UBE2O: variants seen among roughly 807,000 people sequenced by gnomAD.
The protein encoded by UBE2O is ubiquitin conjugating enzyme E2 O.
A neutral mutation model predicts 125.8 loss-of-function variants in UBE2O; 15 were observed. The observed-to-expected ratio is 0.12, with a 90% CI of 0.08 to 0.18. UBE2O has a LOEUF of 0.18. UBE2O is among the 10% of genes least tolerant of loss of function. The probability of loss-of-function intolerance (pLI) is 1.00; values close to 1 mark genes in which losing one functional copy is unlikely to be tolerated. For missense variants in UBE2O, 1,280 were observed against 1,723.6 expected (o/e 0.74, Z 4.56); for synonymous variants, 708 against 703.2 (o/e 1.01, Z -0.11).
intron 15 of UBE2O, 146 bp from the exon 16 acceptor site, chr17:76,392,259 C>G: frequency 1.9e-6 from 1 of 530,362 alleles, no homozygotes; most frequent in Non-Finnish European, 3.2e-6. Flanking sequence ...CCAGATGCCA[C>G]CAGCAGTGGA....
rs777216417 is a variant in UBE2O, at chr17:76,402,585, TGGTGGTGA to T, written c.686+9_686+16del. Reference sequence around the variant, plus strand: ...TATCCTTCCCAAGCCGATGGCTCTCTGGTGGTGAGACTCTACCTGGCGCCGTTGGATAG... The same window carrying T: ...TATCCTTCCCAAGCCGATGGCTCTCTGACTCTACCTGGCGCCGTTGGATAG... On this transcript the variant is annotated intron_variant, in intron 4 of 17. Transcript: ENST00000319380. The surrounding 1 kb of genome is among the most constrained non-coding windows in gnomAD (Gnocchi z 5.4). 14 of 1,609,656 alleles carry T rather than the reference TGGTGGTGA, an allele frequency of 8.7e-6. 1 individual carries two copies. The South Asian group carries it at 1.5e-4, about 18-fold the overall frequency.
chr17:76,392,279 G>A (rs1285960076), intron 15 of UBE2O, among the ~76,000 whole-genome samples, 166 bp from the exon 16 acceptor site: 1 of 152,050 alleles, frequency 6.6e-6, no homozygotes, highest in Non-Finnish European at 1.5e-5. Context: ...AGAAGCTAAG[G>A]ACAAATCTCT....
rs1407931321 is a variant in UBE2O at position 76,405,451 on chromosome 17, G to C, written c.477+62C>G. The C allele has an allele frequency of 5.8e-6, 9 of 1,551,480 alleles. No individual in the cohort carries two copies. ...CCACATGCAGAGTGCGAGGTGGGCA[G>C]GCTCAAGTCCCTAAGGTGGCTGCCC... is the stretch of plus-strand genomic sequence containing the variant. On this transcript the variant is annotated intron_variant, in intron 2 of 17. Transcript: ENST00000319380. The surrounding 1 kb of genome is among the most constrained non-coding windows in gnomAD (Gnocchi z 6.1).
intron 1 of UBE2O, chr17:76,431,097 G>T (rs1335014920): frequency 5.5e-6 from 1 of 180,684 alleles, no homozygotes; most frequent in Non-Finnish European, 1.2e-5. Flanking sequence ...ACAACAGGAA[G>T]CTGCTGCTTC....
chr17:76,402,834 T>A lies in UBE2O; in HGVS notation c.589-135A>T. 1.4e-6 allele frequency: 1 copy of A among 727,204 alleles called. No individual in the cohort carries two copies. Among genetic ancestry groups the A allele is most frequent in the Non-Finnish European group, 2.4e-6 (1 of 418,226 alleles). The allele number at this position is 727,204 out of a possible 1,614,324, so 45.0% of individuals were successfully genotyped here. On this transcript the variant is annotated intron_variant, in intron 3 of 17. Transcript: ENST00000319380. This position sits in a 1 kb window ranked among gnomAD's most constrained non-coding sequence, Gnocchi z 5.4. ...CTCACTGACTGGACCGGTTGGCTAC[T>A]AGCCCTAAACAGCTGCTGCAGCAGG...
At chr17:76,429,413 A>G (rs888066247) in intron 1 of UBE2O, among the ~76,000 whole-genome samples, 16 of 151,600 alleles carry the variant, frequency 1.1e-4, no homozygotes, top group African/African-American at 3.1e-4. Context: ...GTGGTGGCGC[A>G]TGGCTGTAAT....
rs2072903307 is a variant in UBE2O at position 76,431,326 on chromosome 17, A to G, written c.417+21399T>C. Among the ~76,000 whole-genome samples the G allele has an allele frequency of 2.0e-5, 3 of 151,500 alleles. No individual in the cohort carries two copies. The South Asian group carries it at 6.2e-4, about 31-fold the overall frequency. On this transcript the variant is annotated intron_variant, in intron 1 of 17. Coordinates refer to ENST00000319380, the MANE Select transcript of UBE2O (RefSeq NM_022066.4). ...CAGGAGCTCAAGAGCAGCCTGGCCA[A>G]CATGGTGAAATCCCGCCTCTACTAA...
In UBE2O at chr17:76,398,456, T is replaced by C. The variant is rs2072255725; in HGVS notation, c.1896+16A>G. On this transcript the variant is annotated intron_variant, in intron 11 of 17. Coordinates refer to ENST00000319380, the MANE Select transcript of UBE2O (RefSeq NM_022066.4). The surrounding 1 kb of genome is among the most constrained non-coding windows in gnomAD (Gnocchi z 5.4). ...CCCAGAGCCCACCTGAAGCAAGCAG[T>C]AGGGGCTGCACACACCTCCACGTCG... The C allele has an allele frequency of 1.9e-6, 3 of 1,613,802 alleles. No individual in the cohort carries two copies. Among genetic ancestry groups the C allele is most frequent in the African/African-American group, 1.3e-5 (1 of 74,872 alleles).
intron 13 of UBE2O, among the ~76,000 whole-genome samples, chr17:76,397,046 C>A (rs2072223453): frequency 6.6e-6 from 1 of 152,206 alleles, no homozygotes; most frequent in Non-Finnish European, 1.5e-5. Flanking sequence ...GGACCCAAAG[C>A]CCCAGCCAGT....
chr17:76,396,083 C>T lies in UBE2O; in HGVS notation c.2809+45G>A. On this transcript the variant is annotated intron_variant, in intron 14 of 17. Coordinates refer to ENST00000319380, the MANE Select transcript of UBE2O (RefSeq NM_022066.4). The surrounding 1 kb of genome is among the most constrained non-coding windows in gnomAD (Gnocchi z 6.7). ...AGATCTGGTGACACAAACAGGAGCC[C>T]CGAGAAGGCGGGGGAAGGCGAAGAC... 6.3e-7 allele frequency: 1 copy of T among 1,595,786 alleles called. No homozygotes were observed. The highest frequency in any genetic ancestry group is 1.7e-5 in the Admixed American group (1 of 58,448).
chr17:76,398,138 TGAGCCCA>T lies in UBE2O; in HGVS notation c.2025+110_2025+116del. On this transcript the variant is annotated intron_variant, in intron 12 of 17. Transcript: ENST00000319380. This position sits in a 1 kb window ranked among gnomAD's most constrained non-coding sequence, Gnocchi z 5.4. Reference sequence around the variant, plus strand: ...GGGGCAGCTGCCCTTCTGAGGACACTGAGCCCAGAGGACTTTCAGGTCTTGTCTCCTA... The same window carrying T: ...GGGGCAGCTGCCCTTCTGAGGACACTGAGGACTTTCAGGTCTTGTCTCCTA... The T allele has an allele frequency of 7.0e-7, 1 of 1,426,160 alleles. No homozygotes were observed. The highest frequency in any genetic ancestry group is 9.7e-7 in the Non-Finnish European group (1 of 1,030,878). 88.3% of individuals were successfully genotyped at this position (1,426,160 alleles called of 1,614,324 possible). A position where few individuals can be genotyped will look rare whatever the true frequency, so the allele number is the denominator to read the frequency against.
chr17:76,390,761 T>A lies in UBE2O; in HGVS notation c.*182A>T. 1 of 550,270 alleles carries A rather than the reference T, an allele frequency of 1.8e-6. No homozygotes were observed. Among genetic ancestry groups the A allele is most frequent in the South Asian group, 3.5e-5 (1 of 28,900 alleles). 34.1% of individuals were successfully genotyped at this position (550,270 alleles called of 1,614,324 possible). A position where few individuals can be genotyped will look rare whatever the true frequency, so the allele number is the denominator to read the frequency against. On this transcript the variant is annotated 3_prime_UTR_variant, in exon 18 of 18. Transcript: ENST00000319380. ...CGCCTGTTGAAAGCTCGCTTCAAAA[T>A]AGAAACGGCAGCATCTCAACACACT...
intron 1 of UBE2O, among the ~76,000 whole-genome samples, chr17:76,428,198 T>C (rs1162520445): frequency 1.3e-5 from 2 of 152,224 alleles, no homozygotes; most frequent in Non-Finnish European, 2.9e-5. Flanking sequence ...TCCCAGTCTT[T>C]TGTATGTGAC....
rs33950096 is a variant in UBE2O, at chr17:76,389,510, C to CA, written c.*1432dup. The CA allele has an allele frequency of 4.5e-4, 16 of 35,176 alleles. No individual in the cohort carries two copies. The highest frequency in any genetic ancestry group is 1.1e-3 in the African/African-American group (13 of 12,144). 2.2% of individuals were successfully genotyped at this position (35,176 alleles called of 1,614,324 possible). A position where few individuals can be genotyped will look rare whatever the true frequency, so the allele number is the denominator to read the frequency against. ...ACCTTGTCTTGCTAATGAGCCAACA[C>CA]AAAAAAAAAAAAAAAAAAAAATGCA... On this transcript the variant is annotated 3_prime_UTR_variant, in exon 18 of 18. Coordinates refer to ENST00000319380, the MANE Select transcript of UBE2O (RefSeq NM_022066.4).
At chr17:76,446,018 T>C (rs1444988652) in intron 1 of UBE2O, among the ~76,000 whole-genome samples, 1 of 152,082 alleles carries the variant, frequency 6.6e-6, no homozygotes, top group Non-Finnish European at 1.5e-5. Context: ...TCCTATTAAG[T>C]GAGAAAAGTG....
At chr17:76,423,838 G>A (rs1567847360) in intron 1 of UBE2O, among the ~76,000 whole-genome samples, 16 of 151,246 alleles carry the variant, frequency 1.1e-4, no homozygotes. Context: ...CCAGAACACA[G>A]GAGAGGAGAC....
chr17:76,449,003 C>T (rs1435478793), intron 1 of UBE2O, among the ~76,000 whole-genome samples: 2 of 152,232 alleles, frequency 1.3e-5, no homozygotes, highest in South Asian at 2.1e-4. Flanking sequence ...CTTTTGAGTC[C>T]TTAAGAGGCT....
intron 1 of UBE2O, among the ~76,000 whole-genome samples, chr17:76,408,692 C>T (rs1309487490): frequency 6.6e-6 from 1 of 152,220 alleles, no homozygotes; most frequent in Non-Finnish European, 1.5e-5. Context: ...CCTCCACTTC[C>T]CCTTCTACCT....
chr17:76,429,611 A>G (rs1224800425), intron 1 of UBE2O, among the ~76,000 whole-genome samples: 3 of 152,076 alleles, frequency 2.0e-5, no homozygotes, highest in Non-Finnish European at 2.9e-5. Flanking sequence ...CCCTGTGAAC[A>G]TAAGCAAGGC....
Sources: gnomAD v4.1 joint callset for allele counts (sites outside exome capture counted in the v4.1 genomes callset) on GRCh38, gnomAD v4.1.1 for gene constraint, Gnocchi (gnomAD v3.1) non-coding constraint, MANE v1.5 for transcripts, NCBI Gene and HGNC (gene_info 2026-07-23, HGNC 2026-07-21) for gene names.